Variants in LINGO1 observed in about 807,000 individuals in gnomAD.
LINGO1 encodes leucine-rich repeat and immunoglobulin-like domain-containing nogo receptor-interacting protein 1.
LINGO1 carries 11 observed loss-of-function variants against 37.3 expected under a neutral mutation model. The observed-to-expected ratio is 0.29, with a 90% CI of 0.19 to 0.49. The LOEUF is 0.49. Among genes scored for constraint, LINGO1 ranks in the 20% least tolerant of loss-of-function variants. The pLI, the probability that LINGO1 is intolerant of heterozygous loss-of-function variation, is 0.99. For missense variants in LINGO1, 585 were observed against 878.2 expected (o/e 0.67, Z 4.22); for synonymous variants, 387 against 403.0 (o/e 0.96, Z 0.48).
chr15:77,745,375 G>A (rs987738605), intron 1 of LINGO1, among the ~76,000 whole-genome samples: 30 of 150,616 alleles, frequency 2.0e-4, no homozygotes, highest in Admixed American at 1.6e-3. Flanking sequence ...GCAGTGAGCC[G>A]AGATCTGGCC....
intron 3 of LINGO1, chr15:77,652,365 C>A (rs911613979): frequency 6.6e-6 from 1 of 152,088 alleles, no homozygotes; most frequent in African/African-American, 2.4e-5. Context: ...GACTTGAAAG[C>A]GTCTCTGGGG....
At chr15:77,818,507 C>T (rs1596258255) in intron 1 of LINGO1, among the ~76,000 whole-genome samples, 1 of 152,348 alleles carries the variant, frequency 6.6e-6, no homozygotes, top group Non-Finnish European at 1.5e-5. Flanking sequence ...GGCCGGCAGA[C>T]CTGGAGACGC....
intron 1 of LINGO1, among the ~76,000 whole-genome samples, chr15:77,810,334 ACACACACACATG>A (rs910239647): frequency 1.7e-4 from 25 of 150,296 alleles, no homozygotes; most frequent in African/African-American, 6.2e-4. Flanking sequence ...ACACATGCAC[ACACACACACATG>A]CACACACACA....
At chr15:77,709,551 C>T (rs978592268) in intron 2 of LINGO1, among the ~76,000 whole-genome samples, 4 of 152,368 alleles carry the variant, frequency 2.6e-5, no homozygotes, top group Middle Eastern at 3.4e-3. Context: ...CCTTTTGTGC[C>T]TTCTCTGTCT....
chr15:77,779,361 ATGAT>A (rs1438410884), intron 1 of LINGO1, among the ~76,000 whole-genome samples: 1 of 152,122 alleles, frequency 6.6e-6, no homozygotes, highest in Non-Finnish European at 1.5e-5. Context: ...TGGTTTTGGG[ATGAT>A]TCAAGTGCAT....
At chr15:77,648,004 C>G (rs2074675087) in intron 3 of LINGO1, 17 of 447,968 alleles carry the variant, frequency 3.8e-5, no homozygotes, top group Middle Eastern at 3.4e-4. Context: ...CTCCCTCTCT[C>G]TGGGCTTTGT....
chr15:77,717,908 A>G lies in LINGO1; in HGVS notation c.-195+17084T>C, dbSNP rs371777371. ...AGTGGAGAAGGAAGGCCCCTGCTCC[A>G]TCATCAGCTCATCTGGGCAGTGGAG... On this transcript the variant is annotated intron_variant, in intron 2 of 3. Coordinates refer to the LINGO1 transcript ENST00000561686. 2.6e-5 allele frequency among the ~76,000 whole-genome samples: 4 copies of G among 151,132 alleles called. 1 individual carries two copies. The East Asian group carries it at 6.3e-4, about 24-fold the overall frequency.
At chr15:77,694,069 T>C (rs536691114) in intron 1 of LINGO1, among the ~76,000 whole-genome samples, 4 of 152,152 alleles carry the variant, frequency 2.6e-5, no homozygotes, top group African/African-American at 7.2e-5. Context: ...GGGGACCATG[T>C]GTGTTGGGTG....
intron 3 of LINGO1, among the ~76,000 whole-genome samples, chr15:77,663,288 G>A (rs1174141036): frequency 1.4e-5 from 2 of 143,822 alleles, no homozygotes; most frequent in East Asian, 3.9e-4. Context: ...CAGTGGTCGG[G>A]GGTGGGGAGG....
At chr15:77,777,082 G>T (rs1280712421) in intron 1 of LINGO1, among the ~76,000 whole-genome samples, 2 of 152,188 alleles carry the variant, frequency 1.3e-5, no homozygotes, top group East Asian at 3.8e-4. Context: ...GACCCTCATT[G>T]CTGACATAGC....
At chr15:77,705,203 A>ACACACACC (rs1311494205) in intron 2 of LINGO1, among the ~76,000 whole-genome samples, 1 of 148,650 alleles carries the variant, frequency 6.7e-6, no homozygotes, top group Non-Finnish European at 1.5e-5. Flanking sequence ...ACACACACAC[A>ACACACACC]CACCAGTCCA....
At chr15:77,693,371 C>A (rs1393243851) in intron 1 of LINGO1, among the ~76,000 whole-genome samples, 1 of 151,982 alleles carries the variant, frequency 6.6e-6, no homozygotes, top group Non-Finnish European at 1.5e-5. Context: ...ATCATAAAAC[C>A]TGGTAATGTG....
upstream of LINGO1, among the ~76,000 whole-genome samples, chr15:77,637,149 AT>A (rs1248728816): frequency 6.6e-6 from 1 of 152,204 alleles, no homozygotes; most frequent in Non-Finnish European, 1.5e-5. The surrounding 1 kb of genome is among the most constrained non-coding windows in gnomAD (Gnocchi z 4.6). Context: ...GATCCTCCAC[AT>A]CCTGCATGGG....
At chr15:77,768,611 G>A (rs922396982) in intron 1 of LINGO1, among the ~76,000 whole-genome samples, 1 of 152,110 alleles carries the variant, frequency 6.6e-6, no homozygotes, top group African/African-American at 2.4e-5. Flanking sequence ...TGCGTGCCTG[G>A]ACTTGGAGGA....
intron 2 of LINGO1, among the ~76,000 whole-genome samples, chr15:77,702,137 T>C (rs949754437): frequency 2.6e-5 from 4 of 152,200 alleles, no homozygotes; most frequent in African/African-American, 7.2e-5. Flanking sequence ...CTTTTGCACC[T>C]GGGAGAGGCA....
At chr15:77,806,155 A>C (rs2076957974) in intron 1 of LINGO1, among the ~76,000 whole-genome samples, 1 of 152,144 alleles carries the variant, frequency 6.6e-6, no homozygotes, top group African/African-American at 2.4e-5. Flanking sequence ...GTGCCACCTG[A>C]CCACGGAGGG....
chr15:77,749,368 T>C (rs181962958), intron 1 of LINGO1, among the ~76,000 whole-genome samples: 10 of 152,182 alleles, frequency 6.6e-5, no homozygotes, highest in African/African-American at 2.4e-4. Flanking sequence ...GCCCAGTGAG[T>C]ACTCAGCACC....
At chr15:77,623,525 T>C (rs1303439439) in intron 1 of LINGO1, among the ~76,000 whole-genome samples, 1 of 152,222 alleles carries the variant, frequency 6.6e-6, no homozygotes, top group Admixed American at 6.5e-5. Flanking sequence ...GGCTGCCTCC[T>C]GGCCCATGGG....
rs372608959 is a variant in LINGO1, at chr15:77,718,844, C to T, written c.-195+16148G>A. Among the ~76,000 whole-genome samples, 22 of 150,978 alleles carry T rather than the reference C, an allele frequency of 1.5e-4. 1 individual carries two copies. In the East Asian group the frequency reaches 3.8e-3, roughly 26 times the overall value. ...TTGGTCCATGTACTCTGTGGGCTAC[C>T]GGGGCCTCCCTGACTGCCACAGCAT... is the stretch of plus-strand genomic sequence containing the variant. On this transcript the variant is annotated intron_variant, in intron 2 of 3. Transcript: ENST00000561686.
Sources: allele counts gnomAD v4.1 joint callset (sites outside exome capture counted in the v4.1 genomes callset), GRCh38; gene constraint gnomAD v4.1.1; non-coding constraint Gnocchi (gnomAD v3.1); transcripts MANE v1.5; gene names NCBI Gene and HGNC (gene_info 2026-07-23, HGNC 2026-07-21).